Variants in BRINP3 observed in about 807,000 individuals in gnomAD.
BRINP3 encodes the protein BMP/retinoic acid inducible neural specific 3, also known as BMP/retinoic acid-inducible neural-specific protein 3.
Under a neutral mutation model 71.0 loss-of-function variants are expected in BRINP3, and 19 were observed. That is an observed-to-expected ratio of 0.27 (90% CI 0.19 to 0.39). The LOEUF is 0.39. Among genes scored for constraint, BRINP3 ranks in the 10% least tolerant of loss-of-function variants. The probability of loss-of-function intolerance (pLI) is 1.00; values close to 1 mark genes in which losing one functional copy is unlikely to be tolerated. For missense variants in BRINP3, 959 were observed against 940.8 expected, an observed-to-expected ratio of 1.02 and a Z score of -0.25; for synonymous variants, 380 against 337.7, an observed-to-expected ratio of 1.13 and a Z score of -1.37.
At chr1:190,144,412 T>C (rs1248540810) in intron 7 of BRINP3, among the ~76,000 whole-genome samples, 1 of 152,060 alleles carries the variant, frequency 6.6e-6, no homozygotes, top group Non-Finnish European at 1.5e-5. Flanking sequence ...AATGGCATCA[T>C]CAACTGTGTA....
At chr1:190,165,440 G>C (rs1388168640) in intron 6 of BRINP3, among the ~76,000 whole-genome samples, 1 of 77,726 alleles carries the variant, frequency 1.3e-5, no homozygotes, top group Non-Finnish European at 2.2e-5. Flanking sequence ...TGTTTCATTG[G>C]CTGTTTTTTT....
At chr1:190,314,234 ATT>A (rs1665730283) in intron 2 of BRINP3, among the ~76,000 whole-genome samples, 1 of 152,102 alleles carries the variant, frequency 6.6e-6, no homozygotes, top group African/African-American at 2.4e-5. Flanking sequence ...TTGGAAACAT[ATT>A]GGAAAAATAA....
chr1:190,246,665 A>T (rs1659641775), intron 4 of BRINP3, among the ~76,000 whole-genome samples: 1 of 152,132 alleles, frequency 6.6e-6, no homozygotes, highest in African/African-American at 2.4e-5. Context: ...TTTTGATAAT[A>T]TGTTGAGAAT....
chr1:190,306,245 A>G (rs1665090894), intron 2 of BRINP3, among the ~76,000 whole-genome samples: 1 of 151,802 alleles, frequency 6.6e-6, no homozygotes, highest in African/African-American at 2.4e-5. Context: ...AAAATTGTGA[A>G]CCAAAAATGT....
intron 2 of BRINP3, among the ~76,000 whole-genome samples, chr1:190,357,370 T>C (rs1482128174): frequency 6.6e-6 from 1 of 152,026 alleles, no homozygotes; most frequent in Non-Finnish European, 1.5e-5. Flanking sequence ...GATTATAGTA[T>C]TGCTTCACTA....
At chr1:190,293,419 A>G (rs779397966) in intron 2 of BRINP3, among the ~76,000 whole-genome samples, 1 of 152,056 alleles carries the variant, frequency 6.6e-6, no homozygotes, top group Non-Finnish European at 1.5e-5. Flanking sequence ...GAATCTCTTG[A>G]AATTGTTTTG....
chr1:190,231,496 A>G (rs996162489), intron 5 of BRINP3, among the ~76,000 whole-genome samples: 6 of 151,760 alleles, frequency 4.0e-5, no homozygotes, highest in African/African-American at 1.5e-4. Flanking sequence ...AGGTCTGCCA[A>G]TTTTACCAAA....
intron 2 of BRINP3, among the ~76,000 whole-genome samples, chr1:190,311,142 C>G (rs1224822767): frequency 6.6e-6 from 1 of 151,698 alleles, no homozygotes; most frequent in African/African-American, 2.4e-5. Context: ...TGAACTGAAA[C>G]AGCAAGCACA....
intron 3 of BRINP3, among the ~76,000 whole-genome samples, chr1:190,275,303 A>G (rs1662462368): frequency 6.6e-6 from 1 of 151,572 alleles, no homozygotes; most frequent in African/African-American, 2.4e-5. Context: ...GATTTTTTTA[A>G]GATTATTTCT....
At chr1:190,451,724 C>A (rs145370814) in intron 2 of BRINP3, among the ~76,000 whole-genome samples, 2 of 152,082 alleles carry the variant, frequency 1.3e-5, no homozygotes, top group East Asian at 3.9e-4. Context: ...AATGTAAGTT[C>A]TATTAGTTGA....
chr1:190,256,140 T>C (rs890644393), intron 4 of BRINP3, among the ~76,000 whole-genome samples: 11 of 152,290 alleles, frequency 7.2e-5, no homozygotes, highest in Non-Finnish European at 1.2e-4. Context: ...AGACAGTTTG[T>C]TGTGATTTCT....
intron 6 of BRINP3, among the ~76,000 whole-genome samples, chr1:190,224,981 G>A (rs1224562700): frequency 6.6e-6 from 1 of 151,774 alleles, no homozygotes; most frequent in African/African-American, 2.4e-5. Context: ...GGCAATAACA[G>A]GTGCTGGTGA....
intron 7 of BRINP3, among the ~76,000 whole-genome samples, chr1:190,100,037 T>C (rs572436701): frequency 2.4e-4 from 37 of 152,198 alleles, no homozygotes; most frequent in South Asian, 6.2e-4. Context: ...TCATACTGCA[T>C]GTATGATCAT....
At chr1:190,377,635 C>T (rs1490435265) in intron 2 of BRINP3, among the ~76,000 whole-genome samples, 4 of 149,308 alleles carry the variant, frequency 2.7e-5, no homozygotes, top group South Asian at 4.2e-4. Flanking sequence ...CACACACACA[C>T]AAGTACACAC....
intron 2 of BRINP3, among the ~76,000 whole-genome samples, chr1:190,378,678 T>C (rs906220386): frequency 1.3e-5 from 2 of 152,242 alleles, no homozygotes; most frequent in Non-Finnish European, 2.9e-5. Flanking sequence ...GAGACAAATA[T>C]CCAGGCATGC....
At chr1:190,100,197 T>C (rs913884397) in intron 7 of BRINP3, among the ~76,000 whole-genome samples, 5 of 152,214 alleles carry the variant, frequency 3.3e-5, no homozygotes, top group Non-Finnish European at 7.3e-5. Flanking sequence ...TGTTTCACAG[T>C]AGATACACAA....
In BRINP3 at chr1:190,405,483, AAAAAAAAAAC is replaced by A. The variant is rs1442500226; in HGVS notation, c.236+49162_236+49171del. Among the ~76,000 whole-genome samples, 38 of 78,360 alleles carry A rather than the reference AAAAAAAAAAC, an allele frequency of 4.8e-4. 5 individuals are homozygous for A. The highest frequency in any genetic ancestry group is 9.9e-4 in the African/African-American group (16 of 16,150). 51.4% of individuals were successfully genotyped at this position (78,360 alleles called of 152,430 possible). A position where few individuals can be genotyped will look rare whatever the true frequency, so the allele number is the denominator to read the frequency against. ...AAAAAAAAAAAAAAAAAAAAAAAAA[AAAAAAAAAAC>A]CAGAATCAGAAGCGTGACATATCAT... On this transcript the variant is annotated intron_variant, in intron 2 of 7. Coordinates refer to ENST00000367462, the MANE Select transcript of BRINP3 (RefSeq NM_199051.3).
intron 2 of BRINP3, among the ~76,000 whole-genome samples, chr1:190,297,095 G>T (rs1042504820): frequency 1.3e-5 from 2 of 151,718 alleles, no homozygotes; most frequent in African/African-American, 4.8e-5. Flanking sequence ...TAAAATAGAT[G>T]AAACAATATT....
chr1:190,191,019 C>T (rs568327480), intron 6 of BRINP3, among the ~76,000 whole-genome samples: 1 of 152,196 alleles, frequency 6.6e-6, no homozygotes, highest in South Asian at 2.1e-4. Context: ...GTTTTATGGT[C>T]AATTGCATTG....
Sources: gnomAD v4.1 joint callset for allele counts (sites outside exome capture counted in the v4.1 genomes callset) on GRCh38, gnomAD v4.1.1 for gene constraint, MANE v1.5 for transcripts, NCBI Gene and HGNC (gene_info 2026-07-23, HGNC 2026-07-21) for gene names.